The following EPB41L4A variants were observed in gnomAD, a reference collection of about 807,000 sequenced individuals.
The protein encoded by EPB41L4A is erythrocyte membrane protein band 4.1 like 4A, also known as band 4.1-like protein 4A.
A neutral mutation model predicts 108.6 loss-of-function variants in EPB41L4A; 100 were observed. The observed-to-expected ratio is 0.92, with a 90% CI of 0.78 to 1.09. The LOEUF (loss-of-function observed/expected upper bound fraction) is 1.09. Among genes scored for constraint, EPB41L4A ranks in the 50% least tolerant of loss-of-function variants. The probability of loss-of-function intolerance (pLI) is 0.00; values close to 1 mark genes in which losing one functional copy is unlikely to be tolerated. For synonymous variants in EPB41L4A, 319 were observed against 289.0 expected (o/e 1.10, Z -1.05); for missense variants, 1,030 against 842.7 (o/e 1.22, Z -2.75).
In EPB41L4A at chr5:112,335,569, C is replaced by T. The variant is rs149302349; in HGVS notation, c.100-28079G>A. Among the ~76,000 whole-genome samples, 1,095 of 152,268 alleles carry T rather than the reference C, an allele frequency of 7.2e-3. 10 individuals carry two copies. Among genetic ancestry groups the T allele is most frequent in the Non-Finnish European group, 0.011 (723 of 68,014 alleles). On this transcript the variant is annotated intron_variant, in intron 1 of 22. Transcript: ENST00000261486. ...AAATTACGCCAGTCAGACATTTTTACGACTAGAACAGGATTTCTGGGCATG... is the reference window on the plus strand; with the variant it reads ...AAATTACGCCAGTCAGACATTTTTATGACTAGAACAGGATTTCTGGGCATG...
intron 9 of EPB41L4A, among the ~76,000 whole-genome samples, chr5:112,246,558 G>C (rs1210475107): frequency 6.6e-6 from 1 of 152,156 alleles, no homozygotes; most frequent in African/African-American, 2.4e-5. Flanking sequence ...ATTGCTACAA[G>C]ATGAAAAGCT....
chr5:112,147,239 A>C (rs1289744804), intron 12 of EPB41L4A, among the ~76,000 whole-genome samples: 1 of 152,200 alleles, frequency 6.6e-6, no homozygotes, highest in Non-Finnish European at 1.5e-5. Context: ...CGATCTATAA[A>C]ATGGTGGTGG....
intron 12 of EPB41L4A, among the ~76,000 whole-genome samples, chr5:112,149,342 C>A (rs1448112288): frequency 6.6e-6 from 1 of 152,054 alleles, no homozygotes; most frequent in African/African-American, 2.4e-5. Flanking sequence ...CGTGGTGGCA[C>A]GTGCCTGTAT....
intron 11 of EPB41L4A, among the ~76,000 whole-genome samples, chr5:112,236,150 T>A (rs1278356533): frequency 6.6e-6 from 1 of 152,160 alleles, no homozygotes; most frequent in African/African-American, 2.4e-5. Flanking sequence ...GTCAGATTTT[T>A]TTTATTATTC....
intron 2 of EPB41L4A, 103 bp from the exon 3 acceptor site, chr5:112,280,426 T>TG (rs1752895530): frequency 5.4e-6 from 6 of 1,104,024 alleles, no homozygotes; most frequent in Non-Finnish European, 8.3e-6. Flanking sequence ...TTTTAAAACT[T>TG]GGTCAGTTAA....
chr5:112,406,751 C>T (rs1024973085), intron 1 of EPB41L4A, among the ~76,000 whole-genome samples: 7 of 148,532 alleles, frequency 4.7e-5, no homozygotes, highest in African/African-American at 1.8e-4. Flanking sequence ...CTCAGTTCTT[C>T]CCTCCCATGC....
chr5:112,304,777 G>A (rs1315544029), intron 2 of EPB41L4A, among the ~76,000 whole-genome samples: 1 of 152,060 alleles, frequency 6.6e-6, no homozygotes, highest in Non-Finnish European at 1.5e-5. Context: ...CATGTGTTCT[G>A]ATTTAGTCCT....
At chr5:112,169,790 G>C (rs950651222) in intron 20 of EPB41L4A, among the ~76,000 whole-genome samples, 1 of 152,112 alleles carries the variant, frequency 6.6e-6, no homozygotes, top group African/African-American at 2.4e-5. Context: ...CTACAGAAGG[G>C]AAACAAAGCA....
At chr5:112,366,810 T>C (rs1333696824) in intron 1 of EPB41L4A, among the ~76,000 whole-genome samples, 1 of 152,156 alleles carries the variant, frequency 6.6e-6, no homozygotes, top group African/African-American at 2.4e-5. Flanking sequence ...ACCTGTACCT[T>C]CAGCTATTTG....
At chr5:112,251,443 C>A (rs561914180) in intron 9 of EPB41L4A, among the ~76,000 whole-genome samples, 145 of 152,040 alleles carry the variant, frequency 9.5e-4, no homozygotes, top group African/African-American at 3.3e-3. Context: ...GTGCTACGTA[C>A]AAAAGAATGA....
At chr5:112,280,195 C>T (rs1167947748) in intron 3 of EPB41L4A, 77 bp downstream of exon 3, 38 of 1,296,136 alleles carry the variant, frequency 2.9e-5, no homozygotes, top group Admixed American at 8.4e-5. Context: ...CTAAAGCCCA[C>T]TTCTGCACCC....
intron 1 of EPB41L4A, among the ~76,000 whole-genome samples, chr5:112,360,775 G>A (rs451168): frequency 0.43 from 65,894 of 151,628 alleles, 15,449 homozygotes; most frequent in South Asian, 0.58. Flanking sequence ...TCGTCATCCC[G>A]TCTAGGAAGT....
intron 1 of EPB41L4A, among the ~76,000 whole-genome samples, chr5:112,362,400 C>A (rs775666808): frequency 6.6e-6 from 1 of 151,946 alleles, no homozygotes. Context: ...CCTGCCTCAG[C>A]CTCCCGAGTA....
At chr5:112,194,754 T>G in intron 16 of EPB41L4A, 109 bp from the exon 17 acceptor site, 1 of 646,562 alleles carries the variant, frequency 1.5e-6, no homozygotes, top group Non-Finnish European at 2.6e-6. Context: ...AGTAAAATTA[T>G]CAATCCAAAC....
chr5:112,296,792 T>C (rs889400446), intron 2 of EPB41L4A, among the ~76,000 whole-genome samples: 19 of 152,102 alleles, frequency 1.2e-4, no homozygotes, highest in Admixed American at 7.2e-4. Flanking sequence ...CCAAAGTCCA[T>C]TGTATCATTC....
intron 12 of EPB41L4A, among the ~76,000 whole-genome samples, chr5:112,214,663 G>T (rs1256636387): frequency 6.6e-6 from 1 of 152,178 alleles, no homozygotes; most frequent in Non-Finnish European, 1.5e-5. Flanking sequence ...CTACTCGGGA[G>T]GCTGAGGCAG....
intron 7 of EPB41L4A, among the ~76,000 whole-genome samples, chr5:112,261,721 T>C (rs1403091216): frequency 3.3e-5 from 5 of 152,186 alleles, no homozygotes; most frequent in Admixed American, 3.3e-4. Flanking sequence ...ATACCTACAG[T>C]AGGTGGTAAC....
At chr5:112,413,295 G>A (rs534019192) in intron 1 of EPB41L4A, among the ~76,000 whole-genome samples, 4 of 152,230 alleles carry the variant, frequency 2.6e-5, no homozygotes, top group Admixed American at 6.5e-5. Flanking sequence ...CCACTGCACC[G>A]TCTCATTTTC....
intron 1 of EPB41L4A, among the ~76,000 whole-genome samples, chr5:112,364,317 C>T (rs959454935): frequency 3.9e-5 from 6 of 152,228 alleles, no homozygotes; most frequent in Non-Finnish European, 8.8e-5. Context: ...TGAACCACCA[C>T]ACCCAGCTGC....
Sources: allele counts gnomAD v4.1 joint callset (sites outside exome capture counted in the v4.1 genomes callset), GRCh38; gene constraint gnomAD v4.1.1; transcripts MANE v1.5; gene names NCBI Gene and HGNC (gene_info 2026-07-23, HGNC 2026-07-21).